Variants in CTNNA3 observed in about 807,000 individuals in gnomAD.
The protein encoded by CTNNA3 is catenin alpha 3, also known as catenin alpha-3.
CTNNA3 carries 76 observed loss-of-function variants against 95.7 expected under a neutral mutation model. The observed-to-expected ratio is 0.79, with a 90% CI of 0.66 to 0.96. The LOEUF (loss-of-function observed/expected upper bound fraction) is 0.96, where lower values mean the gene tolerates loss of function less well. Ranked by LOEUF, CTNNA3 falls within the 40% of genes least tolerant of loss-of-function variation. The pLI is 0.00. For synonymous variants in CTNNA3, 431 were observed against 374.4 expected (o/e 1.15, Z -1.74); for missense variants, 1,191 against 1,089.8 (o/e 1.09, Z -1.31).
At position 66,205,173 on chromosome 10, in the gene CTNNA3, A is replaced by T. The variant is rs867416648; in HGVS notation, c.1884+75297T>A. Among the ~76,000 whole-genome samples, 6 of 152,080 alleles carry T rather than the reference A, an allele frequency of 3.9e-5. 1 individual carries two copies. The Middle Eastern group carries it at 0.02, about 517-fold the overall frequency. On this transcript the variant is annotated intron_variant, in intron 13 of 17. Coordinates refer to ENST00000433211, the MANE Select transcript of CTNNA3 (RefSeq NM_013266.4). ...TTTTGAACATGAATATCTATTTCTTATTCCTTTATGTTTAATTTCTATAGT... is the reference window on the plus strand; with the variant it reads ...TTTTGAACATGAATATCTATTTCTTTTTCCTTTATGTTTAATTTCTATAGT...
intron 7 of CTNNA3, among the ~76,000 whole-genome samples, chr10:66,804,001 G>A (rs2132241864): frequency 6.7e-6 from 1 of 148,210 alleles, no homozygotes; most frequent in South Asian, 2.2e-4. Context: ...TGCATGTATT[G>A]TTTTTGGTTT....
intron 12 of CTNNA3, among the ~76,000 whole-genome samples, chr10:66,283,984 T>C (rs1344926565): frequency 6.6e-6 from 1 of 151,920 alleles, no homozygotes; most frequent in African/African-American, 2.4e-5. Flanking sequence ...AATCATGCTA[T>C]AGAATTATTG....
At chr10:66,339,876 A>T (rs190250800) in intron 12 of CTNNA3, among the ~76,000 whole-genome samples, 11 of 151,900 alleles carry the variant, frequency 7.2e-5, no homozygotes, top group South Asian at 2.1e-4. Context: ...AGATTTCTTG[A>T]GTGGCTCCCT....
intron 6 of CTNNA3, among the ~76,000 whole-genome samples, chr10:67,208,064 T>A (rs1245281772): frequency 6.6e-6 from 1 of 152,098 alleles, no homozygotes; most frequent in East Asian, 1.9e-4. Flanking sequence ...GAGATTCAAA[T>A]GTTTATCATA....
At chr10:66,001,460 A>C (rs2078768104) in intron 15 of CTNNA3, among the ~76,000 whole-genome samples, 1 of 152,168 alleles carries the variant, frequency 6.6e-6, no homozygotes, top group Admixed American at 6.6e-5. Flanking sequence ...GTGATAAAGT[A>C]GATTGAAATG....
intron 1 of CTNNA3, among the ~76,000 whole-genome samples, chr10:67,668,271 A>G (rs974917571): frequency 2.0e-5 from 3 of 152,132 alleles, no homozygotes; most frequent in Admixed American, 1.3e-4. Context: ...ACTCCTTTTT[A>G]CTTTTAGCAA....
chr10:67,143,445 A>AAAAAAAAAAAAAAAT (rs1860690052), intron 7 of CTNNA3, among the ~76,000 whole-genome samples: 1 of 150,978 alleles, frequency 6.6e-6, no homozygotes, highest in African/African-American at 2.4e-5. Context: ...AAAAAAAAAA[A>AAAAAAAAAAAAAAAT]AATTATCTGT....
rs557378461 is a variant in CTNNA3, at chr10:66,773,638, G to A, written c.1128+1806C>T. ...TGACGCCCAGCCAACCCAAGACATC[G>A]TGAGATGCAAATATCGTTGCTACTG... On this transcript the variant is annotated intron_variant, in intron 8 of 17. Transcript: ENST00000433211. Among the ~76,000 whole-genome samples, 9 of 152,266 alleles carry A rather than the reference G, an allele frequency of 5.9e-5. No individual in the cohort carries two copies. In the South Asian group the frequency reaches 1.2e-3, roughly 21 times the overall value.
intron 16 of CTNNA3, among the ~76,000 whole-genome samples, chr10:65,986,653 C>T (rs926794053): frequency 6.6e-6 from 1 of 151,240 alleles, no homozygotes; most frequent in Non-Finnish European, 1.5e-5. Flanking sequence ...TATACAGATT[C>T]AGTGTAACCC....
chr10:65,920,781 G>A (rs2077074415), intron 17 of CTNNA3, among the ~76,000 whole-genome samples, 164 bp from the exon 18 acceptor site: 1 of 152,026 alleles, frequency 6.6e-6, no homozygotes, highest in South Asian at 2.1e-4. Context: ...AGCCAAGATG[G>A]CGTCACTGCA....
chr10:66,233,091 C>T (rs1480560042), intron 13 of CTNNA3, among the ~76,000 whole-genome samples: 5 of 142,388 alleles, frequency 3.5e-5, no homozygotes, highest in African/African-American at 5.4e-5. Context: ...ACCCGGGAGG[C>T]GGAGCTTGTA....
intron 12 of CTNNA3, among the ~76,000 whole-genome samples, chr10:66,363,160 T>G (rs2132437330): frequency 6.6e-6 from 1 of 152,344 alleles, no homozygotes; most frequent in Non-Finnish European, 1.5e-5. Context: ...CGTGCGCTGC[T>G]TATCATTTGA....
chr10:65,948,094 G>A (rs1490839865), intron 17 of CTNNA3, among the ~76,000 whole-genome samples: 1 of 152,052 alleles, frequency 6.6e-6, no homozygotes, highest in Non-Finnish European at 1.5e-5. Context: ...TGGCTAACAC[G>A]GTGAAACCCC....
intron 7 of CTNNA3, among the ~76,000 whole-genome samples, chr10:66,949,249 TC>T (rs1848418799): frequency 6.6e-6 from 1 of 152,038 alleles, no homozygotes; most frequent in Admixed American, 6.6e-5. Context: ...ATGATAAACA[TC>T]CCCTTTAAAA....
At chr10:67,312,362 C>G (rs902410393) in intron 5 of CTNNA3, among the ~76,000 whole-genome samples, 21 of 152,132 alleles carry the variant, frequency 1.4e-4, no homozygotes, top group African/African-American at 4.8e-4. Context: ...TGAGCCACTG[C>G]ACCTGGCCTT....
rs1207566661 is a variant in CTNNA3, at chr10:66,640,400, G to A, written c.1282-18616C>T. 2.0e-5 allele frequency among the ~76,000 whole-genome samples: 3 copies of A among 152,164 alleles called. No homozygotes were observed. The East Asian group carries it at 5.8e-4, about 29-fold the overall frequency. Reference sequence around the variant, plus strand: ...AGTGAGTTGGGATTACAAAGGCATAGGTCCCTTGCCTCTACATGTGACAAT... The same window carrying A: ...AGTGAGTTGGGATTACAAAGGCATAAGTCCCTTGCCTCTACATGTGACAAT... On this transcript the variant is annotated intron_variant, in intron 9 of 17. Coordinates refer to ENST00000433211, the MANE Select transcript of CTNNA3 (RefSeq NM_013266.4).
chr10:67,196,190 T>G (rs1354389019), intron 6 of CTNNA3, among the ~76,000 whole-genome samples: 1 of 152,104 alleles, frequency 6.6e-6, no homozygotes, highest in Non-Finnish European at 1.5e-5. Context: ...ATATTTCCTG[T>G]TTTAATGCAT....
At position 66,438,686 on chromosome 10, in the gene CTNNA3, T is replaced by C. The variant is rs1364939265; in HGVS notation, c.1532-59334A>G. 2.0e-5 allele frequency among the ~76,000 whole-genome samples: 3 copies of C among 152,046 alleles called. No individual in the cohort carries two copies. In the East Asian group the frequency reaches 5.8e-4, roughly 29 times the overall value. On this transcript the variant is annotated intron_variant, in intron 11 of 17. Coordinates refer to ENST00000433211, the MANE Select transcript of CTNNA3 (RefSeq NM_013266.4). The stretch of plus-strand genomic sequence containing the variant: ...ACTTGACTCCCTGGCTTCAGCCCCC[T>C]TTCCAGCGGAGTAAATGGTTCTGTC...
At chr10:66,774,626 T>C (rs1013428989) in intron 8 of CTNNA3, among the ~76,000 whole-genome samples, 4 of 152,212 alleles carry the variant, frequency 2.6e-5, no homozygotes, top group Admixed American at 2.0e-4. Flanking sequence ...TTTTACTAAA[T>C]CTTGCCATTA....
Sources: allele counts gnomAD v4.1 joint callset (sites outside exome capture counted in the v4.1 genomes callset), GRCh38; gene constraint gnomAD v4.1.1; transcripts MANE v1.5; gene names NCBI Gene and HGNC (gene_info 2026-07-23, HGNC 2026-07-21).